Variants in NELL2 observed in about 807,000 individuals in gnomAD.
NELL2 encodes neural EGFL like 2, also known as protein kinase C-binding protein NELL2.
In NELL2, 41 loss-of-function variants were observed where a neutral mutation model predicts 109.6. That is an observed-to-expected ratio of 0.37 (90% CI 0.29 to 0.49). The LOEUF is 0.49. Among genes scored for constraint, NELL2 ranks in the 20% least tolerant of loss-of-function variants. NELL2 has a pLI of 0.98. For missense variants in NELL2, 900 were observed against 1,008.3 expected (o/e 0.89, Z 1.45); for synonymous variants, 355 against 344.7 (o/e 1.03, Z -0.33).
At chr12:44,578,037 T>A (rs186100198) in intron 15 of NELL2, among the ~76,000 whole-genome samples, 1 of 152,318 alleles carries the variant, frequency 6.6e-6, no homozygotes, top group East Asian at 1.9e-4. Context: ...AGCTGGCCCG[T>A]ACTTATCTTT....
At chr12:44,699,507 C>T (rs903253295) in intron 12 of NELL2, among the ~76,000 whole-genome samples, 3 of 152,180 alleles carry the variant, frequency 2.0e-5, no homozygotes, top group South Asian at 2.1e-4. Context: ...AAAAGTGGGT[C>T]GGGCAGAAGA....
rs1270364129 is a variant in NELL2 at position 44,673,414 on chromosome 12, G to C, written c.1319-7805C>G. On this transcript the variant is annotated intron_variant, in intron 12 of 19. Coordinates refer to ENST00000429094, the MANE Select transcript of NELL2 (RefSeq NM_001145108.2). ...TCACTGAGTATATTCTATGTACAAA[G>C]GCATTTTATTGGATTTTCTGATGGC... Among the ~76,000 whole-genome samples the C allele has an allele frequency of 3.3e-5, 5 of 152,094 alleles. No homozygotes were observed. The South Asian group carries it at 8.3e-4, about 25-fold the overall frequency.
chr12:44,710,725 T>C (rs1444962951), intron 11 of NELL2, among the ~76,000 whole-genome samples: 1 of 152,154 alleles, frequency 6.6e-6, no homozygotes, highest in African/African-American at 2.4e-5. Flanking sequence ...TCCCTTCTAA[T>C]TACTAGTTCT....
intron 15 of NELL2, among the ~76,000 whole-genome samples, chr12:44,603,447 CAT>C (rs1240802979): frequency 6.6e-6 from 1 of 152,148 alleles, no homozygotes; most frequent in Non-Finnish European, 1.5e-5. Context: ...TCATCAGACA[CAT>C]ATTTGCTGAG....
intron 9 of NELL2, among the ~76,000 whole-genome samples, chr12:44,733,558 A>G (rs1939483238): frequency 6.6e-6 from 1 of 151,974 alleles, no homozygotes; most frequent in Non-Finnish European, 1.5e-5. Flanking sequence ...CGCTAGGAGG[A>G]GAAGAAAATA....
rs2136588010 is a variant in NELL2, at chr12:44,775,966, T to A, written c.891+56A>T. The A allele has an allele frequency of 5.1e-6, 8 of 1,574,544 alleles. No individual in the cohort carries two copies. The South Asian group carries it at 8.2e-5, about 16-fold the overall frequency. On this transcript the variant is annotated intron_variant, in intron 8 of 19. Coordinates refer to ENST00000429094, the MANE Select transcript of NELL2 (RefSeq NM_001145108.2). ...CATGATTACATTGTTTTAATAAATT[T>A]TTAAAGAGTGGGAGCATCTGAGTTC... is the stretch of plus-strand genomic sequence containing the variant.
intron 19 of NELL2, among the ~76,000 whole-genome samples, chr12:44,512,947 A>T (rs924110571): frequency 1.3e-5 from 2 of 152,040 alleles, no homozygotes; most frequent in African/African-American, 4.8e-5. Flanking sequence ...ATATGTTCAG[A>T]AATCTAGAAG....
chr12:44,621,197 G>A (rs1309197597), intron 13 of NELL2, among the ~76,000 whole-genome samples: 2 of 152,022 alleles, frequency 1.3e-5, no homozygotes, highest in Non-Finnish European at 2.9e-5. Context: ...CACTTTCTTT[G>A]CTTAACTCTT....
intron 15 of NELL2, among the ~76,000 whole-genome samples, chr12:44,600,099 C>A (rs952739630): frequency 3.3e-5 from 5 of 150,924 alleles, no homozygotes; most frequent in Non-Finnish European, 7.4e-5. Context: ...GTAGCTGGGA[C>A]TGCAGGCGCC....
chr12:44,738,152 C>T (rs1305463325), intron 9 of NELL2, among the ~76,000 whole-genome samples: 2 of 152,142 alleles, frequency 1.3e-5, no homozygotes, highest in Non-Finnish European at 2.9e-5. Flanking sequence ...ATATTGTAGT[C>T]TATTGCCCCT....
At chr12:44,902,625 A>G (rs530772426) in intron 1 of NELL2, among the ~76,000 whole-genome samples, 2 of 152,354 alleles carry the variant, frequency 1.3e-5, no homozygotes, top group South Asian at 4.1e-4. Flanking sequence ...ACAAAGCTGG[A>G]GGTATCAAGC....
In NELL2 at chr12:44,748,721, C is replaced by G. The variant is rs555067653; in HGVS notation, c.994+26026G>C. Among the ~76,000 whole-genome samples, 3 of 152,206 alleles carry G rather than the reference C, an allele frequency of 2.0e-5. No individual in the cohort carries two copies. In the East Asian group the frequency reaches 5.8e-4, roughly 29 times the overall value. ...TTTGGCTTACACAAACCAAATTCTT[C>G]AAACCTGAACAGTGTGGAAGCAATG... On this transcript the variant is annotated intron_variant, in intron 9 of 19. Coordinates refer to ENST00000429094, the MANE Select transcript of NELL2 (RefSeq NM_001145108.2).
intron 15 of NELL2, among the ~76,000 whole-genome samples, chr12:44,598,883 A>ACACACT (rs1265603008): frequency 2.1e-5 from 3 of 143,940 alleles, no homozygotes; most frequent in South Asian, 4.4e-4. Context: ...ACACACACAC[A>ACACACT]CTCTCTCTCT....
chr12:44,534,085 T>C (rs1942198487), intron 15 of NELL2, among the ~76,000 whole-genome samples: 1 of 152,074 alleles, frequency 6.6e-6, no homozygotes, highest in African/African-American at 2.4e-5. Flanking sequence ...ATCTACTTCC[T>C]CCTATTTCAG....
chr12:44,709,633 T>C (rs139909799), intron 11 of NELL2, among the ~76,000 whole-genome samples: 64 of 152,322 alleles, frequency 4.2e-4, no homozygotes, highest in African/African-American at 1.5e-3. Context: ...AGAGAACTAC[T>C]AAAAGTGTGG....
At chr12:44,870,338 T>A (rs1466047021) in intron 2 of NELL2, among the ~76,000 whole-genome samples, 3 of 152,190 alleles carry the variant, frequency 2.0e-5, no homozygotes, top group Admixed American at 2.0e-4. Flanking sequence ...TCCTAAAAAT[T>A]CATCCAGCAT....
At chr12:44,564,969 T>C (rs372552779) in intron 15 of NELL2, among the ~76,000 whole-genome samples, 1 of 152,180 alleles carries the variant, frequency 6.6e-6, no homozygotes, top group Non-Finnish European at 1.5e-5. Context: ...GTTCTCACAG[T>C]GTGGACCCCC....
chr12:44,869,569 T>A (rs373578716), intron 2 of NELL2, among the ~76,000 whole-genome samples: 11 of 150,808 alleles, frequency 7.3e-5, no homozygotes, highest in Non-Finnish European at 1.2e-4. Context: ...AGATCTCCCA[T>A]GTATGTCATG....
At chr12:44,525,130 A>G (rs561284526) in intron 16 of NELL2, among the ~76,000 whole-genome samples, 5 of 152,244 alleles carry the variant, frequency 3.3e-5, no homozygotes, top group Admixed American at 1.3e-4. Flanking sequence ...GGTCTACTAT[A>G]AGGACATTAT....
Sources: allele counts gnomAD v4.1 joint callset (sites outside exome capture counted in the v4.1 genomes callset), GRCh38; gene constraint gnomAD v4.1.1; transcripts MANE v1.5; gene names NCBI Gene and HGNC (gene_info 2026-07-23, HGNC 2026-07-21).